Variants in MAP3K2 observed in about 807,000 individuals in gnomAD.
MAP3K2 encodes the protein MAP/ERK kinase kinase 2.
Under a neutral mutation model 80.3 loss-of-function variants are expected in MAP3K2, and 24 were observed. That is an observed-to-expected ratio of 0.30 (90% confidence interval 0.22 to 0.42). The LOEUF is 0.42. Among genes scored for constraint, MAP3K2 ranks in the 10% least tolerant of loss-of-function variants. MAP3K2 has a pLI of 1.00. For missense variants in MAP3K2, 608 were observed against 750.1 expected (o/e 0.81, Z 2.21); for synonymous variants, 244 against 253.7 (o/e 0.96, Z 0.36).
chr2:127,308,596 T>C lies in MAP3K2; in HGVS notation c.1623A>G (p.Lys541=). 6.4e-7 allele frequency: 1 copy of C among 1,553,092 alleles called. No individual in the cohort carries two copies. Among genetic ancestry groups the C allele is most frequent in the Admixed American group, 1.8e-5 (1 of 56,438 alleles). ...EVISGEGYGR[K]ADIWSVACTV... ...GTATCAAAACCTACCAGATGTCTGCTTTTCTTCCATAGCCTTCTCCACTGA... is the reference window on the plus strand; with the variant it reads ...GTATCAAAACCTACCAGATGTCTGCCTTTCTTCCATAGCCTTCTCCACTGA... Residue 541 remains lysine, a synonymous_variant, in exon 16 of 17, where the codon AAA becomes AAG. Transcript: ENST00000682094.
intron 1 of MAP3K2, among the ~76,000 whole-genome samples, chr2:127,384,545 A>C (rs111727645): frequency 0.034 from 5,165 of 152,274 alleles, 126 homozygotes; most frequent in Middle Eastern, 0.071. Context: ...TGAGGGGTTT[A>C]AGACTTCAGT....
In MAP3K2 at chr2:127,306,049, G is replaced by C. The variant is rs957930702; in HGVS notation, c.*1530C>G. ...GTTCCTAAAATGAAGAGTTACCTAT[G>C]TGGGTGCAATATGCAGCTGGTAAAG... On this transcript the variant is annotated 3_prime_UTR_variant, in exon 17 of 17. Transcript: ENST00000682094. This position sits in a 1 kb window ranked among gnomAD's most constrained non-coding sequence, Gnocchi z 4.7. The C allele has an allele frequency of 6.6e-6, 1 of 151,648 alleles. No individual in the cohort carries two copies. The allele number at this position is 151,648 out of a possible 1,614,324, so 9.4% of individuals were successfully genotyped here. A position where few individuals can be genotyped will look rare whatever the true frequency, so the allele number is the denominator to read the frequency against.
rs1232192939 is a variant in MAP3K2, at chr2:127,369,470, A to T, written c.-66+17982T>A. On this transcript the variant is annotated intron_variant, in intron 1 of 16. Coordinates refer to ENST00000682094, the MANE Select transcript of MAP3K2 (RefSeq NM_001371910.2). ...ACACGGTGAAACCCCGTCTCTACTA[A>T]AAAAAAAAAAAAAAAAAAAAAAAAA... 3.1e-4 allele frequency among the ~76,000 whole-genome samples: 8 copies of T among 26,066 alleles called. No individual in the cohort carries two copies. The East Asian group carries it at 0.032, about 104-fold the overall frequency. 17.1% of individuals were successfully genotyped at this position (26,066 alleles called of 152,430 possible).
chr2:127,350,085 G>A lies in MAP3K2; in HGVS notation c.-65-6891C>T, dbSNP rs181722146. Among the ~76,000 whole-genome samples, 86 of 152,138 alleles carry A rather than the reference G, an allele frequency of 5.7e-4. 1 individual carries two copies. Among genetic ancestry groups the A allele is most frequent in the Admixed American group, 2.9e-3 (44 of 15,272 alleles). On this transcript the variant is annotated intron_variant, in intron 1 of 16. Transcript: ENST00000682094. ...ATGTCTGCAAGTACCAATCCCCACT[G>A]TACGGCTGAGGAATCAGAATATGAC...
In MAP3K2 at chr2:127,351,239, G is replaced by T. The variant is rs1055021415; in HGVS notation, c.-65-8045C>A. Reference sequence around the variant, plus strand: ...TGTGGATTAGATGATATAATCCACAGGTTCTATCAATGCTAACCTCCTCAT... The same window carrying T: ...TGTGGATTAGATGATATAATCCACATGTTCTATCAATGCTAACCTCCTCAT... On this transcript the variant is annotated intron_variant, in intron 1 of 16. Transcript: ENST00000682094. 3.9e-5 allele frequency among the ~76,000 whole-genome samples: 6 copies of T among 152,062 alleles called. 1 individual carries two copies. The highest frequency in any genetic ancestry group is 2.6e-4 in the Admixed American group (4 of 15,280).
intron 1 of MAP3K2, among the ~76,000 whole-genome samples, chr2:127,367,629 C>T (rs760931369): frequency 5.3e-5 from 8 of 151,986 alleles, no homozygotes; most frequent in Non-Finnish European, 1.0e-4. Context: ...CCTATCTCCA[C>T]TAAAAATGCA....
At chr2:127,377,242 C>G (rs1418989336) in intron 1 of MAP3K2, among the ~76,000 whole-genome samples, 1 of 152,066 alleles carries the variant, frequency 6.6e-6, no homozygotes. Flanking sequence ...TGTCATCCCA[C>G]TGAAAAGTAT....
intron 1 of MAP3K2, among the ~76,000 whole-genome samples, chr2:127,382,595 C>T (rs550895244): frequency 5.3e-5 from 8 of 152,364 alleles, no homozygotes; most frequent in South Asian, 4.1e-4. Flanking sequence ...TGCAGCAGCA[C>T]GATCTTGGCT....
chr2:127,387,930 C>T lies in MAP3K2; in HGVS notation c.-544G>A, dbSNP rs1036544216. ...CCGCGGCACCCTCGTCAGGCGCCGC[C>T]GCTGAGGGCAGGCAGCCCGGCAGCC... On this transcript the variant is annotated 5_prime_UTR_variant, in exon 1 of 17. Transcript: ENST00000682094. 1.9e-5 allele frequency: 19 copies of T among 984,706 alleles called. No homozygotes were observed. Among genetic ancestry groups the T allele is most frequent in the Non-Finnish European group, 2.3e-5 (19 of 829,710 alleles). 61.0% of individuals were successfully genotyped at this position (984,706 alleles called of 1,614,324 possible).
Position 127,307,513 on chromosome 2 carries a change from G to A in MAP3K2, c.*66C>T, listed in dbSNP as rs1685725000. ...CTCTTTTTTTATAAAAAAGAAAAGT[G>A]CAGTCAGAGAGAAGGTGAATGAATA... On this transcript the variant is annotated 3_prime_UTR_variant, in exon 17 of 17. Transcript: ENST00000682094. The surrounding 1 kb of genome is among the most constrained non-coding windows in gnomAD (Gnocchi z 5.4). 3 of 937,988 alleles carry A rather than the reference G, an allele frequency of 3.2e-6. No individual in the cohort carries two copies. Among genetic ancestry groups the A allele is most frequent in the Non-Finnish European group, 4.6e-6 (3 of 647,578 alleles). The allele number at this position is 937,988 out of a possible 1,614,324, so 58.1% of individuals were successfully genotyped here. A position where few individuals can be genotyped will look rare whatever the true frequency, so the allele number is the denominator to read the frequency against.
chr2:127,340,176 G>C (rs377498003), intron 2 of MAP3K2, among the ~76,000 whole-genome samples: 2 of 152,032 alleles, frequency 1.3e-5, no homozygotes, highest in East Asian at 1.9e-4. Flanking sequence ...ATATTTCCAG[G>C]TTAAGAAAAA....
At chr2:127,318,515 A>G (rs1262669180) in intron 12 of MAP3K2, among the ~76,000 whole-genome samples, 198 bp from the exon 13 acceptor site, 1 of 152,190 alleles carries the variant, frequency 6.6e-6, no homozygotes. Flanking sequence ...TCCTAAATCA[A>G]AAAGAGATTC....
rs939806719 is a variant in MAP3K2 at position 127,305,905 on chromosome 2, G to A, written c.*1674C>T. ...TGGCAGCTTTTTAACCTTCCCATTA[G>A]TAGTTAAAATTTTGTTTTGATATGC... On this transcript the variant is annotated 3_prime_UTR_variant, in exon 17 of 17. Coordinates refer to ENST00000682094, the MANE Select transcript of MAP3K2 (RefSeq NM_001371910.2). The A allele has an allele frequency of 6.8e-6, 1 of 148,070 alleles. No homozygotes were observed. The highest frequency in any genetic ancestry group is 2.5e-5 in the African/African-American group (1 of 40,240). The allele number at this position is 148,070 out of a possible 1,614,324, so 9.2% of individuals were successfully genotyped here. A position where few individuals can be genotyped will look rare whatever the true frequency, so the allele number is the denominator to read the frequency against.
intron 1 of MAP3K2, among the ~76,000 whole-genome samples, chr2:127,353,744 C>A (rs1401478824): frequency 3.3e-5 from 5 of 152,152 alleles, no homozygotes; most frequent in South Asian, 2.1e-4. Flanking sequence ...GGGAGGTGTA[C>A]CCAACAGCTC....
At chr2:127,372,304 T>C (rs1325362851) in intron 1 of MAP3K2, among the ~76,000 whole-genome samples, 1 of 151,962 alleles carries the variant, frequency 6.6e-6, no homozygotes, top group Non-Finnish European at 1.5e-5. Flanking sequence ...GGGTCCCCAA[T>C]GCCCAGAAAG....
In MAP3K2 at chr2:127,359,339, C is replaced by T. The variant is rs116670779; in HGVS notation, c.-65-16145G>A. Among the ~76,000 whole-genome samples, 945 of 152,272 alleles carry T rather than the reference C, an allele frequency of 6.2e-3. 9 individuals are homozygous for T. The highest frequency in any genetic ancestry group is 0.021 in the African/African-American group (864 of 41,552). ...ATATATGGGAACTCCCTACTTTCCA[C>T]TCAATTTTTCTATAAACCTAAAACT... On this transcript the variant is annotated intron_variant, in intron 1 of 16. Coordinates refer to ENST00000682094, the MANE Select transcript of MAP3K2 (RefSeq NM_001371910.2).
chr2:127,355,623 G>C (rs1686783470), intron 1 of MAP3K2, among the ~76,000 whole-genome samples: 1 of 152,246 alleles, frequency 6.6e-6, no homozygotes, highest in South Asian at 2.1e-4. Context: ...CATGTTGATG[G>C]CTCCTGACTG....
At chr2:127,386,952 G>A (rs1318926519) in intron 1 of MAP3K2, among the ~76,000 whole-genome samples, 2 of 152,082 alleles carry the variant, frequency 1.3e-5, no homozygotes, top group African/African-American at 4.8e-5. Flanking sequence ...TGCAAAATGG[G>A]GCAATTTACC....
At chr2:127,341,480 A>G (rs1416865064) in intron 2 of MAP3K2, among the ~76,000 whole-genome samples, 4 of 150,510 alleles carry the variant, frequency 2.7e-5, no homozygotes, top group Admixed American at 2.0e-4. Context: ...TTATTTACCC[A>G]TAAGTACACT....
Sources: allele counts gnomAD v4.1 joint callset (sites outside exome capture counted in the v4.1 genomes callset), GRCh38; gene constraint gnomAD v4.1.1; non-coding constraint Gnocchi (gnomAD v3.1); transcripts MANE v1.5; gene names NCBI Gene and HGNC (gene_info 2026-07-23, HGNC 2026-07-21).